TMEM132D: variants seen among roughly 807,000 people sequenced by gnomAD.
TMEM132D encodes the protein mature OL transmembrane protein.
In TMEM132D, 21 loss-of-function variants were observed where a neutral mutation model predicts 62.3. The observed-to-expected ratio is 0.34, with a 90% CI of 0.24 to 0.49. The LOEUF (loss-of-function observed/expected upper bound fraction) is 0.49, where lower values mean the gene tolerates loss of function less well. Among genes scored for constraint, TMEM132D ranks in the 20% least tolerant of loss-of-function variants. The pLI, the probability that TMEM132D is intolerant of heterozygous loss-of-function variation, is 0.99. For synonymous variants in TMEM132D, 621 were observed against 575.6 expected, an observed-to-expected ratio of 1.08 and a Z score of -1.13; for missense variants, 1,346 against 1,402.8, an observed-to-expected ratio of 0.96 and a Z score of 0.65.
chr12:129,394,325 A>G (rs1593363080), intron 3 of TMEM132D, among the ~76,000 whole-genome samples: 1 of 152,238 alleles, frequency 6.6e-6, no homozygotes, highest in East Asian at 1.9e-4. Context: ...AACCCTGAAC[A>G]TGAAGGGAGC....
intron 4 of TMEM132D, among the ~76,000 whole-genome samples, chr12:129,225,494 C>T (rs12311755): frequency 0.11 from 16,002 of 152,150 alleles, 1,165 homozygotes; most frequent in East Asian, 0.3. Flanking sequence ...GTGTTCAAAT[C>T]CCAGCTTTGT....
At chr12:129,104,177 C>T (rs1391213968) in intron 5 of TMEM132D, among the ~76,000 whole-genome samples, 1 of 151,054 alleles carries the variant, frequency 6.6e-6, no homozygotes, top group African/African-American at 2.4e-5. Flanking sequence ...CAGCATGGTA[C>T]TGGTACCAAA....
At chr12:129,610,756 T>C (rs1878754499) in intron 2 of TMEM132D, among the ~76,000 whole-genome samples, 1 of 152,182 alleles carries the variant, frequency 6.6e-6, no homozygotes, top group Non-Finnish European at 1.5e-5. Flanking sequence ...AAAAAAACTT[T>C]AGAAGGCTGC....
At chr12:129,523,739 T>C (rs970142658) in intron 3 of TMEM132D, among the ~76,000 whole-genome samples, 2 of 152,024 alleles carry the variant, frequency 1.3e-5, no homozygotes, top group African/African-American at 4.8e-5. Flanking sequence ...TACTGTATAA[T>C]GAGATTGAAT....
chr12:129,758,316 A>G (rs538399905), intron 1 of TMEM132D, among the ~76,000 whole-genome samples: 2 of 152,302 alleles, frequency 1.3e-5, no homozygotes, highest in Non-Finnish European at 2.9e-5. Context: ...TTCAACTCGA[A>G]TAATTCCTAC....
At chr12:129,776,943 T>C (rs1279970447) in intron 1 of TMEM132D, among the ~76,000 whole-genome samples, 5 of 152,200 alleles carry the variant, frequency 3.3e-5, no homozygotes, top group African/African-American at 9.6e-5. Flanking sequence ...TTGAATAGCG[T>C]CATTTCCAAC....
intron 4 of TMEM132D, among the ~76,000 whole-genome samples, chr12:129,225,042 C>G (rs7964891): frequency 0.32 from 47,869 of 151,964 alleles, 7,896 homozygotes; most frequent in Middle Eastern, 0.42. Context: ...TGGGGCCAGA[C>G]AGCCTGGCTT....
chr12:129,196,823 C>T (rs189106581), intron 5 of TMEM132D, among the ~76,000 whole-genome samples: 87 of 152,256 alleles, frequency 5.7e-4, no homozygotes, highest in Admixed American at 5.7e-3. Context: ...TATACAATCT[C>T]ACCTAGAAAT....
chr12:129,652,308 C>T (rs904458585), intron 2 of TMEM132D, among the ~76,000 whole-genome samples: 18 of 152,162 alleles, frequency 1.2e-4, no homozygotes, highest in Admixed American at 3.3e-4. Flanking sequence ...TTCATTCATT[C>T]GTTCAGCAAT....
chr12:129,543,738 T>A (rs779500491), intron 2 of TMEM132D, among the ~76,000 whole-genome samples: 51 of 152,320 alleles, frequency 3.3e-4, no homozygotes, highest in Admixed American at 2.4e-3. Context: ...TGAACCACCA[T>A]AAGCTAAGGC....
At chr12:129,845,945 T>A (rs1873349222) in intron 1 of TMEM132D, among the ~76,000 whole-genome samples, 1 of 152,328 alleles carries the variant, frequency 6.6e-6, no homozygotes, top group Non-Finnish European at 1.5e-5. Flanking sequence ...GGGCAAGTTA[T>A]GCAGCAATTT....
At chr12:129,442,449 T>C (rs890475527) in intron 3 of TMEM132D, among the ~76,000 whole-genome samples, 49 of 152,216 alleles carry the variant, frequency 3.2e-4, no homozygotes, top group African/African-American at 1.2e-3. Flanking sequence ...AAACCTCAGG[T>C]AAGTCACTCA....
intron 4 of TMEM132D, among the ~76,000 whole-genome samples, chr12:129,248,216 A>C (rs1204400770): frequency 6.6e-6 from 1 of 152,202 alleles, no homozygotes; most frequent in Non-Finnish European, 1.5e-5. Flanking sequence ...TGTTCACTTA[A>C]TGCTGAAACC....
intron 1 of TMEM132D, among the ~76,000 whole-genome samples, chr12:129,780,494 G>A (rs780189006): frequency 1.3e-5 from 2 of 152,084 alleles, no homozygotes; most frequent in Non-Finnish European, 2.9e-5. Context: ...CCTGGATAGC[G>A]ACCTTTGTGG....
intron 3 of TMEM132D, among the ~76,000 whole-genome samples, chr12:129,442,406 A>C (rs1489329577): frequency 6.6e-6 from 1 of 152,216 alleles, no homozygotes; most frequent in African/African-American, 2.4e-5. Context: ...CCTGGACTTA[A>C]GAGTCCCAAG....
intron 1 of TMEM132D, among the ~76,000 whole-genome samples, chr12:129,752,047 A>T (rs1870014660): frequency 6.6e-6 from 1 of 152,222 alleles, no homozygotes. Context: ...AATGATAATG[A>T]GAGAAATATC....
chr12:129,625,659 T>C lies in TMEM132D; in HGVS notation c.968+74151A>G, dbSNP rs185146200. Among the ~76,000 whole-genome samples the C allele has an allele frequency of 6.2e-4, 95 of 152,356 alleles. 1 individual carries two copies. The East Asian group carries it at 0.016, about 26-fold the overall frequency. ...TCTCTGACAGAGTGTGGATGAGATC[T>C]GTAACGCTTTAGGAATACTAGTCAA... On this transcript the variant is annotated intron_variant, in intron 2 of 8. Transcript: ENST00000422113.
rs35842499 is a variant in TMEM132D, at chr12:129,356,147, A to ATTTTTTTTTTT, written c.1116-18341_1116-18331dup. ...GTCTGCTTCTAGAGAAACTGAAGGG[A>ATTTTTTTTTTT]TTTTTTTTTTTTTTTTTTTTTTTTT... On this transcript the variant is annotated intron_variant, in intron 3 of 8. Transcript: ENST00000422113. 2.7e-3 allele frequency among the ~76,000 whole-genome samples: 100 copies of ATTTTTTTTTTT among 36,546 alleles called. 16 individuals are homozygous for ATTTTTTTTTTT. Among genetic ancestry groups the ATTTTTTTTTTT allele is most frequent in the African/African-American group, 3.3e-3 (27 of 8,072 alleles). The allele number at this position is 36,546 out of a possible 152,430, so 24.0% of individuals were successfully genotyped here. A position where few individuals can be genotyped will look rare whatever the true frequency, so the allele number is the denominator to read the frequency against.
chr12:129,351,467 G>T (rs1415946155), intron 3 of TMEM132D, among the ~76,000 whole-genome samples: 1 of 152,120 alleles, frequency 6.6e-6, no homozygotes, highest in African/African-American at 2.4e-5. Flanking sequence ...AGGCAGGTAG[G>T]CTTACAAAAC....
Sources: gnomAD v4.1 joint callset for allele counts (sites outside exome capture counted in the v4.1 genomes callset) on GRCh38, gnomAD v4.1.1 for gene constraint, MANE v1.5 for transcripts, NCBI Gene and HGNC (gene_info 2026-07-23, HGNC 2026-07-21) for gene names.